The following GHR variants were observed in gnomAD, a reference collection of about 807,000 sequenced individuals.
GHR encodes the protein GH receptor.
Under a neutral mutation model 67.1 loss-of-function variants are expected in GHR, and 35 were observed. The observed-to-expected ratio is 0.52, with a 90% CI of 0.40 to 0.69. The LOEUF (loss-of-function observed/expected upper bound fraction) is 0.69, where lower values mean the gene tolerates loss of function less well. Among genes scored for constraint, GHR ranks in the 30% least tolerant of loss-of-function variants. The pLI is 0.00. For missense variants in GHR, 792 were observed against 764.6 expected, an observed-to-expected ratio of 1.04 and a Z score of -0.42; for synonymous variants, 272 against 269.1, an observed-to-expected ratio of 1.01 and a Z score of -0.10.
At chr5:42,512,788 C>T (rs905603089) in intron 1 of GHR, among the ~76,000 whole-genome samples, 2 of 147,068 alleles carry the variant, frequency 1.4e-5, no homozygotes, top group Admixed American at 6.9e-5. Context: ...GCACAAGTAA[C>T]CATTCAGTAA....
intron 1 of GHR, among the ~76,000 whole-genome samples, chr5:42,501,310 G>C (rs1312923779): frequency 6.6e-6 from 1 of 151,992 alleles, no homozygotes; most frequent in African/African-American, 2.4e-5. Context: ...AACATATCCA[G>C]AAAAGAGAAT....
chr5:42,569,751 G>A (rs998417848), intron 2 of GHR, among the ~76,000 whole-genome samples: 1 of 151,852 alleles, frequency 6.6e-6, no homozygotes, highest in African/African-American at 2.4e-5. Flanking sequence ...GTATATATAT[G>A]TACACTATAT....
chr5:42,600,567 C>A (rs1003312153), intron 2 of GHR, among the ~76,000 whole-genome samples: 1 of 152,228 alleles, frequency 6.6e-6, no homozygotes, highest in South Asian at 2.1e-4. Context: ...TGGCCTGGAG[C>A]ACCTGCAACA....
intron 1 of GHR, among the ~76,000 whole-genome samples, chr5:42,495,597 A>C (rs1246887130): frequency 6.6e-6 from 1 of 152,132 alleles, no homozygotes; most frequent in Admixed American, 6.5e-5. Flanking sequence ...GTGATCAGAA[A>C]AAAAATGCAC....
chr5:42,565,688 T>G, intron 1 of GHR, 176 bp from the exon 2 acceptor site: 1 of 985,354 alleles, frequency 1.0e-6, no homozygotes, highest in Non-Finnish European at 1.2e-6. Context: ...ACCTGCTGTT[T>G]GAGTTCATGA....
chr5:42,477,044 C>T, intron 1 of GHR, among the ~76,000 whole-genome samples: 1 of 125,254 alleles, frequency 8.0e-6, no homozygotes, highest in African/African-American at 3.0e-5. Flanking sequence ...CCCCCCACCC[C>T]ACAACAGTCC....
rs1752736551 is a variant in GHR, at chr5:42,608,508, AT to A, written c.71-20529del. ...AGGGCAGTAGATTATATCATTTGTC[AT>A]AAAGATGAGTGTCGTTTAGTGACAC... On this transcript the variant is annotated intron_variant, in intron 2 of 9. Coordinates refer to ENST00000230882, the MANE Select transcript of GHR (RefSeq NM_000163.5). Among the ~76,000 whole-genome samples the A allele has an allele frequency of 2.6e-5, 4 of 152,240 alleles. No homozygotes were observed. In the South Asian group the frequency reaches 8.3e-4, roughly 32 times the overall value.
chr5:42,653,423 C>T (rs1274837829), intron 3 of GHR, among the ~76,000 whole-genome samples: 2 of 152,026 alleles, frequency 1.3e-5, no homozygotes, highest in Non-Finnish European at 2.9e-5. Flanking sequence ...TTCTAAACCC[C>T]AGGTTTGCTC....
chr5:42,645,582 CTATAGCTTT>C (rs1224477385), intron 3 of GHR, among the ~76,000 whole-genome samples: 1 of 152,176 alleles, frequency 6.6e-6, no homozygotes, highest in Non-Finnish European at 1.5e-5. Context: ...GCTCTTGAAG[CTATAGCTTT>C]CAAGCTTGTG....
At chr5:42,700,453 C>T (rs138163567) in intron 6 of GHR, among the ~76,000 whole-genome samples, 7 of 152,200 alleles carry the variant, frequency 4.6e-5, no homozygotes, top group African/African-American at 1.4e-4. Context: ...GGGAATTTGT[C>T]TCTTAGAGGT....
intron 3 of GHR, among the ~76,000 whole-genome samples, chr5:42,638,647 G>A (rs1310515211): frequency 6.6e-6 from 1 of 152,150 alleles, no homozygotes; most frequent in East Asian, 1.9e-4. Flanking sequence ...TAATCGTATG[G>A]GACGACTATC....
At chr5:42,509,153 A>G (rs1243264501) in intron 1 of GHR, among the ~76,000 whole-genome samples, 1 of 152,148 alleles carries the variant, frequency 6.6e-6, no homozygotes, top group South Asian at 2.1e-4. Flanking sequence ...GCCTGGCAAA[A>G]TTCCAACCCA....
intron 1 of GHR, among the ~76,000 whole-genome samples, chr5:42,470,779 C>G (rs531142199): frequency 1.3e-5 from 2 of 152,254 alleles, no homozygotes; most frequent in Admixed American, 6.5e-5. Flanking sequence ...GTTTCTTACT[C>G]AGCTGAAGGA....
intron 1 of GHR, among the ~76,000 whole-genome samples, chr5:42,552,753 C>A (rs892814859): frequency 6.6e-6 from 1 of 152,088 alleles, no homozygotes; most frequent in Admixed American, 6.6e-5. Context: ...GGTCATTTGA[C>A]AACTGTGGAG....
At chr5:42,503,614 C>CA (rs1256935066) in intron 1 of GHR, among the ~76,000 whole-genome samples, 1 of 152,164 alleles carries the variant, frequency 6.6e-6, no homozygotes, top group Non-Finnish European at 1.5e-5. Context: ...ATGAACAAAA[C>CA]AGAGTCCTTT....
At chr5:42,535,338 G>A (rs1173343594) in intron 1 of GHR, among the ~76,000 whole-genome samples, 1 of 152,030 alleles carries the variant, frequency 6.6e-6, no homozygotes, top group Non-Finnish European at 1.5e-5. Context: ...TTTTGTATGA[G>A]GTAAGAGATG....
chr5:42,528,440 A>T (rs1747807057), intron 1 of GHR, among the ~76,000 whole-genome samples: 1 of 152,228 alleles, frequency 6.6e-6, no homozygotes, highest in African/African-American at 2.4e-5. Context: ...GAAAACTTGA[A>T]TTAGAAGTGG....
intron 3 of GHR, among the ~76,000 whole-genome samples, chr5:42,676,496 C>G (rs1042928816): frequency 1.3e-5 from 2 of 151,990 alleles, no homozygotes; most frequent in Admixed American, 6.6e-5. Context: ...TTGTCAGTTG[C>G]CATCATTATT....
intron 1 of GHR, among the ~76,000 whole-genome samples, chr5:42,445,987 T>C (rs1409423414): frequency 6.6e-6 from 1 of 152,182 alleles, no homozygotes; most frequent in African/African-American, 2.4e-5. Context: ...AGAGAAGCCA[T>C]AGTTGTCAGG....
Sources: allele counts gnomAD v4.1 joint callset (sites outside exome capture counted in the v4.1 genomes callset), GRCh38; gene constraint gnomAD v4.1.1; transcripts MANE v1.5; gene names NCBI Gene and HGNC (gene_info 2026-07-23, HGNC 2026-07-21).